TNR: variants seen among roughly 807,000 people sequenced by gnomAD.
The protein encoded by TNR is tenascin R, also known as tenascin-R.
In TNR, 45 loss-of-function variants were observed where a neutral mutation model predicts 150.4. The observed-to-expected ratio is 0.30, with a 90% CI of 0.24 to 0.38. The LOEUF is 0.38. Among genes scored for constraint, TNR ranks in the 10% least tolerant of loss-of-function variants. The pLI, the probability that TNR is intolerant of heterozygous loss-of-function variation, is 1.00. For synonymous variants in TNR, 687 were observed against 678.4 expected, an observed-to-expected ratio of 1.01 and a Z score of -0.20; for missense variants, 1,544 against 1,759.1, an observed-to-expected ratio of 0.88 and a Z score of 2.19.
At chr1:175,740,951 A>G (rs1667909860) in intron 1 of TNR, among the ~76,000 whole-genome samples, 1 of 152,246 alleles carries the variant, frequency 6.6e-6, no homozygotes, top group Non-Finnish European at 1.5e-5. Flanking sequence ...GCACGACATC[A>G]GTTCAGCCTA....
intron 2 of TNR, among the ~76,000 whole-genome samples, chr1:175,500,200 G>A (rs1027713977): frequency 1.3e-5 from 2 of 152,142 alleles, no homozygotes; most frequent in African/African-American, 4.8e-5. Flanking sequence ...GTTTTTTTAA[G>A]GATAGTTTAG....
chr1:175,569,527 A>G lies in TNR; in HGVS notation c.-164-41158T>C, dbSNP rs1277272150. On this transcript the variant is annotated intron_variant, in intron 1 of 22. Coordinates refer to ENST00000367674, the MANE Select transcript of TNR (RefSeq NM_003285.3). ...CAAGACAGAGACAAATGAAACAAAG[A>G]AAAACCAGTGTAAAACCATATATCA... 2.0e-5 allele frequency among the ~76,000 whole-genome samples: 3 copies of G among 152,352 alleles called. No homozygotes were observed. The South Asian group carries it at 6.2e-4, about 32-fold the overall frequency.
rs1023613815 is a variant in TNR at position 175,606,506 on chromosome 1, G to A, written c.-164-78137C>T. On this transcript the variant is annotated intron_variant, in intron 1 of 22. Transcript: ENST00000367674. ...AAATTTGTCACAAATCCGTTTACACGATTTTTGGAAAGTACTTTAACCTCT... is the reference window on the plus strand; with the variant it reads ...AAATTTGTCACAAATCCGTTTACACAATTTTTGGAAAGTACTTTAACCTCT... Among the ~76,000 whole-genome samples the A allele has an allele frequency of 1.7e-4, 26 of 152,150 alleles. 1 individual carries two copies. The highest frequency in any genetic ancestry group is 1.6e-3 in the Admixed American group (25 of 15,266).
In TNR at chr1:175,722,369, C is replaced by T. The variant is rs943355028; in HGVS notation, c.-165+20857G>A. ...GTTGCTGACAGGGAAAGGGTTTATT[C>T]CTGTAGGTCATGAATGGACGCCAAT... On this transcript the variant is annotated intron_variant, in intron 1 of 22. Coordinates refer to ENST00000367674, the MANE Select transcript of TNR (RefSeq NM_003285.3). Among the ~76,000 whole-genome samples, 4 of 152,306 alleles carry T rather than the reference C, an allele frequency of 2.6e-5. No homozygotes were observed. In the South Asian group the frequency reaches 6.2e-4, roughly 24 times the overall value.
chr1:175,397,731 T>C (rs1272034402), intron 4 of TNR, among the ~76,000 whole-genome samples: 1 of 152,230 alleles, frequency 6.6e-6, no homozygotes, highest in Admixed American at 6.5e-5. Context: ...AAAACATTCT[T>C]GAGGACCTTG....
At chr1:175,553,310 C>G (rs1417091113) in intron 1 of TNR, among the ~76,000 whole-genome samples, 3 of 152,102 alleles carry the variant, frequency 2.0e-5, no homozygotes, top group Admixed American at 6.5e-5. Context: ...CTTTTTCCAC[C>G]CTCAGACTCC....
chr1:175,667,938 C>T (rs1473407369), intron 1 of TNR, among the ~76,000 whole-genome samples: 3 of 152,214 alleles, frequency 2.0e-5, no homozygotes, highest in South Asian at 2.1e-4. Flanking sequence ...TGCCTTGCTA[C>T]TCAAAGTGTA....
chr1:175,421,734 G>T (rs1216798475), intron 2 of TNR, among the ~76,000 whole-genome samples: 1 of 152,136 alleles, frequency 6.6e-6, no homozygotes, highest in Non-Finnish European at 1.5e-5. Context: ...AAAAACGTGG[G>T]ACTGGTGGCT....
intron 1 of TNR, among the ~76,000 whole-genome samples, chr1:175,685,494 C>T (rs1666161931): frequency 6.6e-6 from 1 of 152,162 alleles, no homozygotes; most frequent in Non-Finnish European, 1.5e-5. Context: ...ATGGATTTGA[C>T]CCCTGTTGGG....
intron 1 of TNR, among the ~76,000 whole-genome samples, chr1:175,690,054 C>G (rs1666314963): frequency 6.6e-6 from 1 of 152,168 alleles, no homozygotes; most frequent in Non-Finnish European, 1.5e-5. Flanking sequence ...TAAGCAAGTT[C>G]AAGGTCATAC....
chr1:175,684,368 G>A (rs1213636482), intron 1 of TNR, among the ~76,000 whole-genome samples: 2 of 152,206 alleles, frequency 1.3e-5, no homozygotes, highest in Non-Finnish European at 2.9e-5. Flanking sequence ...AGAAAATTGA[G>A]TGAGGAATGG....
At chr1:175,472,449 G>A (rs111387340) in intron 2 of TNR, among the ~76,000 whole-genome samples, 2 of 152,308 alleles carry the variant, frequency 1.3e-5, no homozygotes, top group African/African-American at 4.8e-5. Flanking sequence ...TTCATTATCA[G>A]TTACATATTG....
intron 1 of TNR, among the ~76,000 whole-genome samples, chr1:175,587,628 T>C (rs2101835019): frequency 6.6e-6 from 1 of 152,262 alleles, no homozygotes; most frequent in East Asian, 1.9e-4. Flanking sequence ...TCAGAAGCAT[T>C]GATTCTTAAT....
intron 1 of TNR, among the ~76,000 whole-genome samples, chr1:175,713,581 T>C (rs962203647): frequency 6.6e-6 from 1 of 152,244 alleles, no homozygotes; most frequent in African/African-American, 2.4e-5. Flanking sequence ...ACATGAATTA[T>C]GCTAAAACGC....
intron 2 of TNR, among the ~76,000 whole-genome samples, chr1:175,423,939 G>A (rs1225581398): frequency 6.6e-6 from 1 of 152,092 alleles, no homozygotes; most frequent in Non-Finnish European, 1.5e-5. Context: ...AAAAGCTATG[G>A]GCCTTGGGGG....
intron 1 of TNR, among the ~76,000 whole-genome samples, chr1:175,671,893 G>A (rs2101903534): frequency 6.9e-6 from 1 of 145,304 alleles, no homozygotes; most frequent in African/African-American, 2.5e-5. Context: ...TTATCCAAGG[G>A]AGTCTTATGA....
intron 2 of TNR, among the ~76,000 whole-genome samples, chr1:175,445,777 G>T (rs1656017494): frequency 6.6e-6 from 1 of 152,116 alleles, no homozygotes; most frequent in East Asian, 1.9e-4. Context: ...AACTCCCCGA[G>T]GTTAATAATT....
intron 1 of TNR, among the ~76,000 whole-genome samples, chr1:175,561,256 T>G (rs909473523): frequency 1.3e-5 from 2 of 152,238 alleles, no homozygotes; most frequent in Admixed American, 6.5e-5. Flanking sequence ...TGTTCTGGCT[T>G]GCCTCACTGT....
At chr1:175,701,903 T>C (rs1666708270) in intron 1 of TNR, among the ~76,000 whole-genome samples, 1 of 152,178 alleles carries the variant, frequency 6.6e-6, no homozygotes, top group Admixed American at 6.5e-5. Flanking sequence ...ATTAGAGAAC[T>C]TAAGCCGCAT....
Sources: allele counts gnomAD v4.1 joint callset (sites outside exome capture counted in the v4.1 genomes callset), GRCh38; gene constraint gnomAD v4.1.1; transcripts MANE v1.5; gene names NCBI Gene and HGNC (gene_info 2026-07-23, HGNC 2026-07-21).